The following ATP8B4 variants were observed in gnomAD, a reference collection of about 807,000 sequenced individuals.
ATP8B4 encodes probable phospholipid-transporting ATPase IM.
In ATP8B4, 133 loss-of-function variants were observed where a neutral mutation model predicts 145.6. The ratio of observed to expected loss-of-function variants is 0.91; its 90% CI spans 0.79 to 1.05. The LOEUF is 1.05. Ranked by LOEUF, ATP8B4 falls within the 50% of genes least tolerant of loss-of-function variation. The pLI is 0.00. For missense variants in ATP8B4, 1,458 were observed against 1,425.2 expected, an observed-to-expected ratio of 1.02 and a Z score of -0.37; for synonymous variants, 507 against 492.9, an observed-to-expected ratio of 1.03 and a Z score of -0.38.
chr15:50,147,439 A>T (rs908778795), intron 1 of ATP8B4, among the ~76,000 whole-genome samples: 25 of 133,166 alleles, frequency 1.9e-4, no homozygotes, highest in South Asian at 2.4e-4. Flanking sequence ...AAAAAAAAAA[A>T]AAGTATATAC....
intron 2 of ATP8B4, among the ~76,000 whole-genome samples, chr15:50,094,725 TATAC>T (rs1354364254): frequency 2.1e-5 from 3 of 143,704 alleles, no homozygotes; most frequent in Non-Finnish European, 4.6e-5. Context: ...TATATATATA[TATAC>T]ACACACACAT....
At chr15:50,003,739 T>C (rs2048090508) in intron 7 of ATP8B4, among the ~76,000 whole-genome samples, 1 of 152,158 alleles carries the variant, frequency 6.6e-6, no homozygotes, top group Admixed American at 6.5e-5. Context: ...GAATCTGTGA[T>C]TGAATATAGA....
At chr15:49,959,270 T>G (rs1318896054) in intron 14 of ATP8B4, among the ~76,000 whole-genome samples, 1 of 151,986 alleles carries the variant, frequency 6.6e-6, no homozygotes, top group Non-Finnish European at 1.5e-5. Flanking sequence ...AACTTGTACT[T>G]TAGAAAAATA....
At chr15:49,876,741 G>C in intron 24 of ATP8B4, 1 of 740,144 alleles carries the variant, frequency 1.4e-6, no homozygotes, top group South Asian at 1.5e-5. Flanking sequence ...GAGTCTCCAA[G>C]AGAGATTCAT....
intron 2 of ATP8B4, among the ~76,000 whole-genome samples, chr15:50,079,433 A>G (rs2054402162): frequency 6.6e-6 from 1 of 152,334 alleles, no homozygotes; most frequent in Admixed American, 6.5e-5. Flanking sequence ...ATGCTTGTCT[A>G]TTGCCATTTA....
At position 50,044,620 on chromosome 15, in the gene ATP8B4, C is replaced by G; in HGVS notation, c.274G>C (p.Ala92Pro). The G allele has an allele frequency of 5.6e-6, 9 of 1,612,538 alleles. No homozygotes were observed. The highest frequency in any genetic ancestry group is 7.6e-6 in the Non-Finnish European group (9 of 1,178,952). ...TAGTCATCTGTGGCATCTTTGACAG[C>G]TGTCATAGTTATCACCAGGACCAAA... ...VPLVLVITMT[A>P]VKDATDDYFR... is the part of the protein sequence containing the mutation. The change falls in exon 5 of 28, where the codon GCT becomes CCT. Residue 92 changes from alanine (A) to proline (P), a missense_variant. Physicochemically the swap from Ala to Pro is conservative, Grantham distance 27 (BLOSUM62 -1). Coordinates refer to ENST00000284509, the MANE Select transcript of ATP8B4 (RefSeq NM_024837.4).
chr15:50,029,255 A>AAAAAAAAAAAAAAAAAAAAAAAAACC (rs776952913), intron 6 of ATP8B4, among the ~76,000 whole-genome samples: 1 of 141,164 alleles, frequency 7.1e-6, no homozygotes, highest in Non-Finnish European at 1.6e-5. Flanking sequence ...AAAAAAAAAA[A>AAAAAAAAAAAAAAAAAAAAAAAAACC]AACAGAAAAA....
chr15:49,994,226 C>T (rs2047244146), intron 9 of ATP8B4, among the ~76,000 whole-genome samples: 1 of 152,126 alleles, frequency 6.6e-6, no homozygotes, highest in African/African-American at 2.4e-5. Flanking sequence ...CTCTCCCAGA[C>T]ACCTGCCTTC....
intron 16 of ATP8B4, among the ~76,000 whole-genome samples, chr15:49,924,088 T>C (rs1028008128): frequency 6.6e-6 from 1 of 152,130 alleles, no homozygotes; most frequent in Non-Finnish European, 1.5e-5. Flanking sequence ...AAAAATAAAG[T>C]TTCCACCTCA....
intron 1 of ATP8B4, among the ~76,000 whole-genome samples, chr15:50,126,561 G>A (rs528461412): frequency 5.9e-5 from 9 of 152,284 alleles, no homozygotes; most frequent in African/African-American, 2.2e-4. Flanking sequence ...AGCTTCTGTA[G>A]AGAACCAAAC....
intron 2 of ATP8B4, among the ~76,000 whole-genome samples, chr15:50,097,934 A>G (rs996712020): frequency 2.0e-5 from 3 of 152,216 alleles, no homozygotes; most frequent in African/African-American, 7.2e-5. Context: ...CTTCAGAGGT[A>G]AACATTAGTC....
intron 20 of ATP8B4, among the ~76,000 whole-genome samples, chr15:49,912,477 C>T (rs937623916): frequency 2.6e-5 from 4 of 152,024 alleles, no homozygotes; most frequent in South Asian, 2.1e-4. Flanking sequence ...CAGGAAGAAA[C>T]GGAAAATCTG....
chr15:50,086,445 AAAT>A lies in ATP8B4; in HGVS notation c.29-12263_29-12261del, dbSNP rs1165045054. ...TAGAGATCTATAATTATATATAATAAAATAATAGAGATCTATATTATTATATAT... is the reference window on the plus strand; with the variant it reads ...TAGAGATCTATAATTATATATAATAAAATAGAGATCTATATTATTATATAT... On this transcript the variant is annotated intron_variant, in intron 2 of 27. Coordinates refer to ENST00000284509, the MANE Select transcript of ATP8B4 (RefSeq NM_024837.4). 9.9e-5 allele frequency among the ~76,000 whole-genome samples: 5 copies of A among 50,752 alleles called. 1 individual carries two copies. 33.3% of individuals were successfully genotyped at this position (50,752 alleles called of 152,430 possible). A position where few individuals can be genotyped will look rare whatever the true frequency, so the allele number is the denominator to read the frequency against.
At chr15:49,860,554 A>C in intron 27 of ATP8B4, 79 bp from the exon 28 acceptor site, 1 of 1,446,214 alleles carries the variant, frequency 6.9e-7, no homozygotes, top group Middle Eastern at 2.6e-4. Flanking sequence ...GTAAAGTGAA[A>C]GCCTTTTTTT....
chr15:50,162,415 T>C (rs1300459218), intron 1 of ATP8B4, among the ~76,000 whole-genome samples: 1 of 152,098 alleles, frequency 6.6e-6, no homozygotes, highest in Non-Finnish European at 1.5e-5. Flanking sequence ...AACATTCCAG[T>C]ACAATCTCTC....
chr15:49,928,632 A>G (rs2040955312), intron 16 of ATP8B4, among the ~76,000 whole-genome samples: 1 of 152,092 alleles, frequency 6.6e-6, no homozygotes, highest in Non-Finnish European at 1.5e-5. Context: ...TTAAAAGCGA[A>G]TAATTTTGAA....
chr15:50,079,104 G>A (rs571106293), intron 2 of ATP8B4, among the ~76,000 whole-genome samples: 1 of 152,054 alleles, frequency 6.6e-6, no homozygotes, highest in Non-Finnish European at 1.5e-5. Context: ...TAATACAAAG[G>A]AAAATGTTTG....
rs187520720 is a variant in ATP8B4 at position 49,888,991 on chromosome 15, A to T, written c.2697+8301T>A. On this transcript the variant is annotated intron_variant, in intron 23 of 27. Transcript: ENST00000284509. ...CCCCGCAAGTCATGAGGTCTCTTTCAATAGAGAGCTCATTTCCTCCACATA... is the reference window on the plus strand; with the variant it reads ...CCCCGCAAGTCATGAGGTCTCTTTCTATAGAGAGCTCATTTCCTCCACATA... 2.5e-4 allele frequency among the ~76,000 whole-genome samples: 38 copies of T among 152,116 alleles called. No homozygotes were observed. The East Asian group carries it at 5.8e-3, about 23-fold the overall frequency.
chr15:49,868,460 CTG>C (rs1474626316), intron 25 of ATP8B4, among the ~76,000 whole-genome samples: 80 of 152,230 alleles, frequency 5.3e-4, no homozygotes, highest in Non-Finnish European at 2.1e-4. Context: ...AAAATTAAAA[CTG>C]TACAAAGACC....
Sources: gnomAD v4.1 joint callset for allele counts (sites outside exome capture counted in the v4.1 genomes callset) on GRCh38, gnomAD v4.1.1 for gene constraint, MANE v1.5 for transcripts, NCBI Gene and HGNC (gene_info 2026-07-23, HGNC 2026-07-21) for gene names.